Variants in AP3B1 observed in about 807,000 individuals in gnomAD.
AP3B1 encodes the protein AP-3 complex subunit beta-1.
AP3B1 carries 61 observed loss-of-function variants against 132.5 expected under a neutral mutation model. The ratio of observed to expected loss-of-function variants is 0.46; its 90% CI spans 0.37 to 0.57. The LOEUF is 0.57. AP3B1 is among the 20% of genes least tolerant of loss of function. The pLI is 0.00. For missense variants in AP3B1, 1,120 were observed against 1,289.4 expected, an observed-to-expected ratio of 0.87 and a Z score of 2.01; for synonymous variants, 388 against 438.3, an observed-to-expected ratio of 0.89 and a Z score of 1.43.
chr5:78,075,822 T>C (rs1303540835), intron 22 of AP3B1, among the ~76,000 whole-genome samples: 1 of 152,164 alleles, frequency 6.6e-6, no homozygotes, highest in Non-Finnish European at 1.5e-5. Context: ...CATAGGAAAT[T>C]CCATGCTAGC....
chr5:78,019,305 A>G (rs980759830), intron 25 of AP3B1, among the ~76,000 whole-genome samples: 1 of 152,152 alleles, frequency 6.6e-6, no homozygotes, highest in African/African-American at 2.4e-5. Context: ...AGCACAAAAA[A>G]TTTGATCGAA....
In AP3B1 at chr5:78,088,363, T is replaced by C. The variant is rs115966773; in HGVS notation, c.2577+1030A>G. The stretch of plus-strand genomic sequence containing the variant: ...TTAAGAGATAATCTCATTCTATGCT[T>C]AAGGAGAACATTGTAGCTTAAAACT... On this transcript the variant is annotated intron_variant, in intron 22 of 26. Coordinates refer to ENST00000255194, the MANE Select transcript of AP3B1 (RefSeq NM_003664.5). Among the ~76,000 whole-genome samples, 662 of 152,296 alleles carry C rather than the reference T, an allele frequency of 4.3e-3. 3 individuals carry two copies. The highest frequency in any genetic ancestry group is 0.015 in the African/African-American group (629 of 41,568).
intron 8 of AP3B1, among the ~76,000 whole-genome samples, chr5:78,180,068 C>T (rs1182324124): frequency 1.3e-5 from 2 of 152,016 alleles, no homozygotes; most frequent in African/African-American, 4.8e-5. Flanking sequence ...CTTAAGATGG[C>T]AAATTACAGC....
chr5:78,224,077 T>A (rs1377838042), intron 6 of AP3B1, among the ~76,000 whole-genome samples: 1 of 152,178 alleles, frequency 6.6e-6, no homozygotes, highest in Non-Finnish European at 1.5e-5. Context: ...AGTATTTTTT[T>A]AAATTATTAA....
chr5:78,164,643 T>C (rs1297568514), intron 12 of AP3B1, among the ~76,000 whole-genome samples: 2 of 152,196 alleles, frequency 1.3e-5, no homozygotes, highest in African/African-American at 2.4e-5. Context: ...AATAGTATAT[T>C]TTCTAGAACA....
At chr5:78,215,119 A>C (rs1334037153) in intron 7 of AP3B1, among the ~76,000 whole-genome samples, 1 of 152,118 alleles carries the variant, frequency 6.6e-6, no homozygotes, top group Non-Finnish European at 1.5e-5. Context: ...CATTTTTCTA[A>C]TTAACAAAAG....
chr5:78,154,630 A>AT (rs1743067935), intron 14 of AP3B1, among the ~76,000 whole-genome samples: 1 of 151,842 alleles, frequency 6.6e-6, no homozygotes, highest in Admixed American at 6.6e-5. Flanking sequence ...GCTGTGCTTC[A>AT]TTCTTTTATA....
In AP3B1 at chr5:78,012,767, GT is replaced by G. The variant is rs557586658; in HGVS notation, c.3131+2642del. Among the ~76,000 whole-genome samples the G allele has an allele frequency of 3.1e-3, 475 of 152,344 alleles. 2 individuals carry two copies. Among genetic ancestry groups the G allele is most frequent in the African/African-American group, 0.011 (453 of 41,582 alleles). On this transcript the variant is annotated intron_variant, in intron 26 of 26. Transcript: ENST00000255194. ...TGAGTATGAGGACCACGAACATTAA[GT>G]TTTGGGTTCAATCTCTGCACTCCAA...
chr5:78,112,170 T>C (rs1021320834), intron 19 of AP3B1, among the ~76,000 whole-genome samples: 1 of 149,926 alleles, frequency 6.7e-6, no homozygotes, highest in African/African-American at 2.5e-5. Flanking sequence ...GGGAGAGGAG[T>C]GAGACAAGGA....
intron 14 of AP3B1, among the ~76,000 whole-genome samples, chr5:78,149,876 C>G (rs906753320): frequency 2.0e-5 from 3 of 151,802 alleles, no homozygotes; most frequent in African/African-American, 7.2e-5. Flanking sequence ...AGTAACTCTC[C>G]GCTGAGAGAT....
intron 22 of AP3B1, among the ~76,000 whole-genome samples, chr5:78,061,066 T>C (rs1749032195): frequency 6.6e-6 from 1 of 151,658 alleles, no homozygotes; most frequent in Non-Finnish European, 1.5e-5. Flanking sequence ...CTGAACCACA[T>C]ATCCATAAAC....
At chr5:78,239,347 T>C (rs910062980) in intron 3 of AP3B1, among the ~76,000 whole-genome samples, 7 of 151,088 alleles carry the variant, frequency 4.6e-5, no homozygotes, top group Non-Finnish European at 1.0e-4. Context: ...GGCATGCACC[T>C]GTAGTCCCAG....
chr5:78,116,191 G>C lies in AP3B1; in HGVS notation c.2012C>G (p.Ser671Cys). ...TPAGKAKQENSAKKFYSESEE... is the reference protein window; with the variant it reads ...TPAGKAKQENCAKKFYSESEE... Reference sequence around the variant, plus strand: ...AGATTCAGAATAAAACTTCTTAGCAGAATTCTCTTGCTTTGCTTTTCCTGC... The same window carrying C: ...AGATTCAGAATAAAACTTCTTAGCACAATTCTCTTGCTTTGCTTTTCCTGC... Residue 671 changes from serine to cysteine, a missense_variant, in exon 18 of 27, where the codon TCT becomes TGT. Physicochemically the swap from Ser to Cys is moderately radical, Grantham distance 112 (BLOSUM62 -1). This residue lies in a region of AP3B1 where 906 missense variants were observed against 997.1 expected (regional missense o/e 0.91). Transcript: ENST00000255194. The C allele has an allele frequency of 6.2e-7, 1 of 1,613,808 alleles. No homozygotes were observed. The highest frequency in any genetic ancestry group is 8.5e-7 in the Non-Finnish European group (1 of 1,179,838).
At position 78,129,165 on chromosome 5, in the gene AP3B1, AAT is replaced by A; in HGVS notation, c.1791_1792del (p.Phe598ProfsTer10). 6.2e-7 allele frequency: 1 copy of A among 1,613,366 alleles called. No individual in the cohort carries two copies. The highest frequency in any genetic ancestry group is 8.5e-7 in the Non-Finnish European group (1 of 1,179,542). On this transcript the variant is annotated frameshift_variant, in exon 16 of 27. Transcript: ENST00000255194. LOFTEE classifies it high-confidence loss of function. ...CAGTGGTGCAGGCTTTTGTGCTAGG[AAT>A]ATTTTTTTGGCATATTTACTTAAAG... is the stretch of plus-strand genomic sequence containing the variant.
intron 18 of AP3B1, among the ~76,000 whole-genome samples, chr5:78,115,445 C>A (rs1000742584): frequency 2.0e-5 from 3 of 152,156 alleles, no homozygotes; most frequent in Non-Finnish European, 4.4e-5. Flanking sequence ...TGACTACAAT[C>A]TATTTTTCAT....
chr5:78,189,312 T>C (rs904586532), intron 7 of AP3B1, among the ~76,000 whole-genome samples: 8 of 152,152 alleles, frequency 5.3e-5, no homozygotes, highest in African/African-American at 1.7e-4. Flanking sequence ...TACCATCATA[T>C]AGGTTTTTGA....
At chr5:78,087,735 G>C (rs1012600593) in intron 22 of AP3B1, 18 of 975,214 alleles carry the variant, frequency 1.8e-5, no homozygotes, top group Non-Finnish European at 2.2e-5. Context: ...ATTACTTTGT[G>C]ATGAATGAAA....
intron 11 of AP3B1, among the ~76,000 whole-genome samples, chr5:78,166,710 G>C (rs1209039629): frequency 6.6e-6 from 1 of 152,136 alleles, no homozygotes; most frequent in African/African-American, 2.4e-5. Flanking sequence ...AGAGCCAACT[G>C]ATCTTTGACA....
At chr5:78,121,229 C>A (rs1356921412) in intron 17 of AP3B1, among the ~76,000 whole-genome samples, 2 of 151,882 alleles carry the variant, frequency 1.3e-5, no homozygotes, top group Non-Finnish European at 1.5e-5. Context: ...TGAATGCCCA[C>A]AAGAGAAAGC....
Sources: gnomAD v4.1 joint callset for allele counts (sites outside exome capture counted in the v4.1 genomes callset) on GRCh38, gnomAD v4.1.1 for gene constraint, gnomAD v4.1.1 regional missense constraint, MANE v1.5 for transcripts, NCBI Gene and HGNC (gene_info 2026-07-23, HGNC 2026-07-21) for gene names.